The following BAZ2B variants were observed in gnomAD, a reference collection of about 807,000 sequenced individuals.
BAZ2B encodes bromodomain adjacent to zinc finger domain 2B, also known as bromodomain adjacent to zinc finger domain protein 2B.
Under a neutral mutation model 246.0 loss-of-function variants are expected in BAZ2B, and 91 were observed. The ratio of observed to expected loss-of-function variants is 0.37; its 90% CI spans 0.31 to 0.44. The LOEUF is 0.44. BAZ2B is among the 20% of genes least tolerant of loss of function. The pLI is 1.00. For synonymous variants in BAZ2B, 855 were observed against 860.0 expected, an observed-to-expected ratio of 0.99 and a Z score of 0.10; for missense variants, 2,332 against 2,533.7, an observed-to-expected ratio of 0.92 and a Z score of 1.71.
the BAZ2B span, among the ~76,000 whole-genome samples, chr2:159,645,693 A>G: frequency 0.93 from 142,012 of 151,914 alleles, 66,507 homozygotes; most frequent in Middle Eastern, 0.97. Flanking sequence ...TCTAAGCATC[A>G]GCCAGGTTGA....
At chr2:159,674,818 G>A in the BAZ2B span, among the ~76,000 whole-genome samples, 1 of 151,652 alleles carries the variant, frequency 6.6e-6, no homozygotes, top group African/African-American at 2.4e-5. Context: ...TATAGAACAA[G>A]GAAAATAACT....
Position 159,555,809 on chromosome 2 carries a change from CA to C in BAZ2B, c.-3+13del, listed in dbSNP as rs2089032194. On this transcript the variant is annotated intron_variant, in intron 2 of 36. Coordinates refer to ENST00000392783, the MANE Select transcript of BAZ2B (RefSeq NM_013450.4). ...CAAACTTCCTTAAAAGCTTAACTAT[CA>C]TTTTGGTCTTACTGTGATCAATGTG... is the stretch of plus-strand genomic sequence containing the variant. The C allele has an allele frequency of 6.6e-6, 1 of 152,190 alleles. No individual in the cohort carries two copies. Among genetic ancestry groups the C allele is most frequent in the Non-Finnish European group, 1.5e-5 (1 of 68,036 alleles). The allele number at this position is 152,190 out of a possible 1,614,324, so 9.4% of individuals were successfully genotyped here. A position where few individuals can be genotyped will look rare whatever the true frequency, so the allele number is the denominator to read the frequency against.
chr2:159,704,482 CT>C, the BAZ2B span, among the ~76,000 whole-genome samples: 546 of 117,002 alleles, frequency 4.7e-3, 2 homozygotes, highest in African/African-American at 0.015. Flanking sequence ...CTTTCTTTTT[CT>C]TTTTTTTTTT....
intron 27 of BAZ2B, among the ~76,000 whole-genome samples, chr2:159,360,007 T>G (rs1490968400): frequency 1.3e-5 from 2 of 152,200 alleles, no homozygotes; most frequent in Admixed American, 6.5e-5. Flanking sequence ...TCATACAGAA[T>G]GGGCAAAAGC....
At chr2:159,358,324 TA>T (rs1357162597) in intron 27 of BAZ2B, among the ~76,000 whole-genome samples, 1 of 152,068 alleles carries the variant, frequency 6.6e-6, no homozygotes, top group Non-Finnish European at 1.5e-5. Flanking sequence ...TAGTCTCTGA[TA>T]AAACAGACTT....
rs560638393 is a variant in BAZ2B at position 159,322,522 on chromosome 2, T to C, written c.6354-2104A>G. 5.9e-5 allele frequency among the ~76,000 whole-genome samples: 9 copies of C among 152,310 alleles called. No individual in the cohort carries two copies. In the South Asian group the frequency reaches 1.9e-3, roughly 32 times the overall value. ...AATCATACAATCTGTGTGGGAATGATTTTTACAAAATATTTTAAAGTTGAT... is the reference window on the plus strand; with the variant it reads ...AATCATACAATCTGTGTGGGAATGACTTTTACAAAATATTTTAAAGTTGAT... On this transcript the variant is annotated intron_variant, in intron 36 of 36. Coordinates refer to ENST00000392783, the MANE Select transcript of BAZ2B (RefSeq NM_013450.4).
intron 3 of BAZ2B, among the ~76,000 whole-genome samples, chr2:159,468,140 T>C (rs920720919): frequency 1.3e-5 from 2 of 152,156 alleles, no homozygotes; most frequent in Admixed American, 1.3e-4. Flanking sequence ...AAGATAAATC[T>C]ACTCTTGAAA....
the BAZ2B span, among the ~76,000 whole-genome samples, chr2:159,639,487 T>C: frequency 1.3e-5 from 2 of 152,062 alleles, no homozygotes; most frequent in Non-Finnish European, 2.9e-5. Flanking sequence ...TTTCTAGACA[T>C]AGACAGTTAG....
intron 2 of BAZ2B, among the ~76,000 whole-genome samples, chr2:159,538,150 C>T (rs990530259): frequency 9.9e-5 from 15 of 152,090 alleles, no homozygotes; most frequent in Non-Finnish European, 1.8e-4. Context: ...GTACGCACCA[C>T]CATGTCTGGC....
At chr2:159,581,864 T>C (rs34636299) in intron 1 of BAZ2B, among the ~76,000 whole-genome samples, 9,335 of 137,020 alleles carry the variant, frequency 0.068, 381 homozygotes, top group Middle Eastern at 0.17. Flanking sequence ...TAGGTGCGAA[T>C]TGAACAATGA....
At chr2:159,682,914 C>CACA in the BAZ2B span, among the ~76,000 whole-genome samples, 3 of 136,466 alleles carry the variant, frequency 2.2e-5, no homozygotes, top group Admixed American at 2.1e-4. Context: ...ACCCCTCCCC[C>CACA]CCCCCACACA....
intron 6 of BAZ2B, 34 bp downstream of exon 6, chr2:159,446,748 C>A (rs1199639430): frequency 6.6e-7 from 1 of 1,511,728 alleles, no homozygotes; most frequent in East Asian, 2.3e-5. Context: ...ATATATAGAT[C>A]TGTTATATAT....
At chr2:159,508,847 G>A (rs1157438268) in intron 2 of BAZ2B, among the ~76,000 whole-genome samples, 1 of 152,118 alleles carries the variant, frequency 6.6e-6, no homozygotes, top group Non-Finnish European at 1.5e-5. Flanking sequence ...GAATCCACAA[G>A]TGGTAATTCA....
intron 35 of BAZ2B, 25 bp downstream of exon 35, chr2:159,325,628 C>T: frequency 1.9e-6 from 3 of 1,568,378 alleles, no homozygotes; most frequent in East Asian, 2.3e-5. Flanking sequence ...TATAAATATA[C>T]AGTGCATGAA....
intron 1 of BAZ2B, among the ~76,000 whole-genome samples, chr2:159,601,252 A>C (rs1244847141): frequency 6.6e-6 from 1 of 152,142 alleles, no homozygotes. Flanking sequence ...CCCTTCAACA[A>C]CACTGAGGTA....
chr2:159,426,163 A>G (rs2069817941), intron 13 of BAZ2B, among the ~76,000 whole-genome samples: 2 of 152,192 alleles, frequency 1.3e-5, no homozygotes, highest in South Asian at 4.1e-4. Context: ...ACAAGACAGT[A>G]TGCATTTGGA....
chr2:159,684,709 C>T, the BAZ2B span, among the ~76,000 whole-genome samples: 73 of 152,298 alleles, frequency 4.8e-4, 1 homozygote, highest in East Asian at 0.013. Flanking sequence ...GTAACATACT[C>T]TTAAGTGTCA....
Position 159,474,882 on chromosome 2 carries a change from C to A in BAZ2B, c.145+3693G>T, listed in dbSNP as rs78795084. 7.1e-3 allele frequency among the ~76,000 whole-genome samples: 1,081 copies of A among 152,154 alleles called. 12 individuals are homozygous for A. The highest frequency in any genetic ancestry group is 0.025 in the African/African-American group (1,020 of 41,460). On this transcript the variant is annotated intron_variant, in intron 3 of 36. Transcript: ENST00000392783. ...TTTCTTTAAGAATGTTGAATATTGG[C>A]CCCCACTCTCTTCTGGCTTGTAGGG... is the stretch of plus-strand genomic sequence containing the variant.
chr2:159,631,172 G>A, the BAZ2B span, among the ~76,000 whole-genome samples: 1 of 151,282 alleles, frequency 6.6e-6, no homozygotes, highest in Non-Finnish European at 1.5e-5. Flanking sequence ...TTCCAGCCTG[G>A]GCAACAAAGC....
Sources: gnomAD v4.1 joint callset for allele counts (sites outside exome capture counted in the v4.1 genomes callset) on GRCh38, gnomAD v4.1.1 for gene constraint, MANE v1.5 for transcripts, NCBI Gene and HGNC (gene_info 2026-07-23, HGNC 2026-07-21) for gene names.